The following AGBL2 variants were observed in gnomAD, a reference collection of about 807,000 sequenced individuals.
The protein encoded by AGBL2 is cytosolic carboxypeptidase 2.
In AGBL2, 87 loss-of-function variants were observed where a neutral mutation model predicts 103.0. That is an observed-to-expected ratio of 0.84 (90% CI 0.71 to 1.01). AGBL2 has a LOEUF of 1.01. AGBL2 is among the 50% of genes least tolerant of loss of function. AGBL2 has a pLI of 0.00. For synonymous variants in AGBL2, 335 were observed against 356.7 expected (o/e 0.94, Z 0.69); for missense variants, 904 against 1,023.5 (o/e 0.88, Z 1.59).
At chr11:47,674,726 A>G (rs1411731405) in intron 14 of AGBL2, among the ~76,000 whole-genome samples, 1 of 151,628 alleles carries the variant, frequency 6.6e-6, no homozygotes, top group African/African-American at 2.4e-5. Context: ...GATTTAGGTT[A>G]TTTATTTATT....
intron 10 of AGBL2, 60 bp from the exon 11 acceptor site, chr11:47,686,109 A>T: frequency 6.6e-7 from 1 of 1,519,272 alleles, no homozygotes; most frequent in East Asian, 2.3e-5. Flanking sequence ...ATAATTAAGG[A>T]TCATTTGGTA....
At chr11:47,664,667 T>G (rs2097336503) in intron 17 of AGBL2, among the ~76,000 whole-genome samples, 1 of 151,972 alleles carries the variant, frequency 6.6e-6, no homozygotes, top group South Asian at 2.1e-4. Flanking sequence ...TGCCTCAGCC[T>G]CCCAAAGTGT....
chr11:47,670,154 T>C (rs1294122507), intron 14 of AGBL2, among the ~76,000 whole-genome samples: 1 of 152,242 alleles, frequency 6.6e-6, no homozygotes, highest in Non-Finnish European at 1.5e-5. Context: ...GACTGTCATT[T>C]GTTTGAAAAC....
chr11:47,710,399 G>C lies in AGBL2; in HGVS notation c.210C>G (p.Thr70=). 6.2e-7 allele frequency: 1 copy of C among 1,614,032 alleles called. No individual in the cohort carries two copies. Among genetic ancestry groups the C allele is most frequent in the Non-Finnish European group, 8.5e-7 (1 of 1,179,992 alleles). ...CACATAGAAGCTTCTCCTTTTGCAG[G>C]GTGTCTGGTATCAAATCATCTTTTT... ...LGEKDDLIPD[T]LQKEKLLWPI... Residue 70 remains threonine (T), a synonymous_variant, in exon 4 of 19, where the codon ACC becomes ACG. Coordinates refer to ENST00000525123, the MANE Select transcript of AGBL2 (RefSeq NM_024783.4).
In AGBL2 at chr11:47,714,660, G is replaced by A; in HGVS notation, c.-10C>T. 1 of 1,613,828 alleles carries A rather than the reference G, an allele frequency of 6.2e-7. No homozygotes were observed. ...CCAAAGCTGGGAACATGTTACTTCT[G>A]GATGGTAGGCTGAAAACTAGTCAGT... On this transcript the variant is annotated 5_prime_UTR_variant, in exon 2 of 19. An upstream open reading frame in the 5' UTR gains an earlier in-frame stop. Coordinates refer to ENST00000525123, the MANE Select transcript of AGBL2 (RefSeq NM_024783.4).
At chr11:47,688,442 C>T (rs2097432676) in intron 10 of AGBL2, among the ~76,000 whole-genome samples, 1 of 152,158 alleles carries the variant, frequency 6.6e-6, no homozygotes, top group African/African-American at 2.4e-5. Flanking sequence ...TGATTCCTGA[C>T]TTTCGAGGGC....
chr11:47,666,878 G>A lies in AGBL2; in HGVS notation c.2448+78C>T, dbSNP rs1041803269. ...GGTAACGTAAATGGCTATTACATTT[G>A]TCACATTGTGGGAGAGAGGTGCTAA... On this transcript the variant is annotated intron_variant, in intron 17 of 18. Transcript: ENST00000525123. 7.5e-6 allele frequency: 7 copies of A among 938,900 alleles called. No individual in the cohort carries two copies. The African/African-American group carries it at 9.8e-5, about 13-fold the overall frequency. 58.2% of individuals were successfully genotyped at this position (938,900 alleles called of 1,614,324 possible).
intron 10 of AGBL2, among the ~76,000 whole-genome samples, chr11:47,689,486 G>T (rs752694464): frequency 1.2e-4 from 18 of 151,822 alleles, no homozygotes; most frequent in African/African-American, 4.4e-4. Flanking sequence ...TGTATCTTTA[G>T]CAGAGACTGG....
Position 47,714,350 on chromosome 11 carries a change from G to A in AGBL2, c.34-3C>T, listed in dbSNP as rs2097544089. Reference sequence around the variant, plus strand: ...TCTTCATAAGGATCAGGAATAGTCTGTGAAAGGAAAGGCCACTTCAATCAA... The same window carrying A: ...TCTTCATAAGGATCAGGAATAGTCTATGAAAGGAAAGGCCACTTCAATCAA... On this transcript the variant is annotated splice_polypyrimidine_tract_variant and splice_region_variant and intron_variant, in intron 2 of 18. Coordinates refer to ENST00000525123, the MANE Select transcript of AGBL2 (RefSeq NM_024783.4). 6.2e-7 allele frequency: 1 copy of A among 1,612,016 alleles called. No homozygotes were observed. Among genetic ancestry groups the A allele is most frequent in the Non-Finnish European group, 8.5e-7 (1 of 1,178,748 alleles).
At chr11:47,674,419 T>C (rs1245497438) in intron 14 of AGBL2, among the ~76,000 whole-genome samples, 2 of 151,704 alleles carry the variant, frequency 1.3e-5, no homozygotes, top group African/African-American at 2.4e-5. Flanking sequence ...TACAAAAAAT[T>C]AGCCAGGCGT....
chr11:47,709,423 T>C (rs542408575), intron 4 of AGBL2, among the ~76,000 whole-genome samples: 3 of 152,078 alleles, frequency 2.0e-5, no homozygotes, highest in Admixed American at 6.6e-5. Flanking sequence ...AGTGTTTGGT[T>C]TGAGGGAGAA....
chr11:47,663,651 G>C (rs1421477057), intron 17 of AGBL2, among the ~76,000 whole-genome samples: 1 of 151,066 alleles, frequency 6.6e-6, no homozygotes, highest in African/African-American at 2.4e-5. Context: ...CTGCCTCCCG[G>C]GTTCAAGCGA....
intron 17 of AGBL2, chr11:47,666,734 T>C: frequency 1.6e-6 from 1 of 614,162 alleles, no homozygotes; most frequent in Non-Finnish European, 2.9e-6. Context: ...ATGTTCTTGG[T>C]GTAAAATCAC....
Position 47,690,320 on chromosome 11 carries a change from G to A in AGBL2, c.1387C>T (p.Pro463Ser). The change falls in exon 10 of 19, where the codon CCT becomes TCT. Residue 463 changes from proline (P) to serine (S), a missense_variant. Transcript: ENST00000525123. ...ACCCAGGAGCCATTACTTTCTCCAGGGTGAACTCTGGCACTCAAGACCACA... is the reference window on the plus strand; with the variant it reads ...ACCCAGGAGCCATTACTTTCTCCAGAGTGAACTCTGGCACTCAAGACCACA... The part of the protein sequence containing the change: ...KAVVLSARVH[P>S]GESNGSWVMK... 1.2e-6 allele frequency: 2 copies of A among 1,613,754 alleles called. No homozygotes were observed. The highest frequency in any genetic ancestry group is 1.7e-6 in the Non-Finnish European group (2 of 1,179,868).
chr11:47,673,561 A>C (rs2097363895), intron 14 of AGBL2, among the ~76,000 whole-genome samples: 2 of 147,716 alleles, frequency 1.4e-5, no homozygotes, highest in African/African-American at 5.0e-5. Context: ...GGAGGTGGAG[A>C]CTGCAGTGAG....
intron 18 of AGBL2, among the ~76,000 whole-genome samples, chr11:47,660,689 G>T (rs993368396): frequency 6.6e-6 from 1 of 150,712 alleles, no homozygotes; most frequent in African/African-American, 2.4e-5. Context: ...GAGGAGCTGG[G>T]ACTACAGGCG....
chr11:47,703,912 C>A (rs1430482523), intron 7 of AGBL2, among the ~76,000 whole-genome samples: 1 of 119,106 alleles, frequency 8.4e-6, no homozygotes, highest in Non-Finnish European at 1.7e-5. Context: ...GCAACAAGAG[C>A]GAAAGTCAGT....
At chr11:47,699,607 A>C in intron 7 of AGBL2, 54 bp from the exon 8 acceptor site, 1 of 945,588 alleles carries the variant, frequency 1.1e-6, no homozygotes, top group Non-Finnish European at 1.6e-6. Flanking sequence ...AAACGGCACT[A>C]TCAGAACTAA....
chr11:47,669,731 C>T (rs564064339), intron 14 of AGBL2, among the ~76,000 whole-genome samples: 3 of 151,690 alleles, frequency 2.0e-5, no homozygotes, highest in East Asian at 3.9e-4. Context: ...CCTATGTCAA[C>T]GTCTCGAGTA....
Sources: gnomAD v4.1 joint callset for allele counts (sites outside exome capture counted in the v4.1 genomes callset) on GRCh38, gnomAD v4.1.1 for gene constraint, MANE v1.5 for transcripts, NCBI Gene and HGNC (gene_info 2026-07-23, HGNC 2026-07-21) for gene names.